ZNF618: variants seen among roughly 807,000 people sequenced by gnomAD.
The protein encoded by ZNF618 is zinc finger protein 618, also known as neural precursor cell expressed, developmentally down-regulated 10.
ZNF618 carries 34 observed loss-of-function variants against 103.0 expected under a neutral mutation model. The ratio of observed to expected loss-of-function variants is 0.33; its 90% CI spans 0.25 to 0.44. ZNF618 has a LOEUF of 0.44. Ranked by LOEUF, ZNF618 falls within the 20% of genes least tolerant of loss-of-function variation. The pLI is 1.00. For synonymous variants in ZNF618, 551 were observed against 542.2 expected (o/e 1.02, Z -0.23); for missense variants, 1,059 against 1,295.4 (o/e 0.82, Z 2.80).
At chr9:113,931,997 G>C (rs763398651) in intron 1 of ZNF618, among the ~76,000 whole-genome samples, 9 of 152,132 alleles carry the variant, frequency 5.9e-5, no homozygotes, top group Non-Finnish European at 8.8e-5. Context: ...TTTATAGATC[G>C]TCTGCTGTGG....
rs146478488 is a variant in ZNF618, at chr9:113,967,176, A to G, written c.34-1941A>G. Among the ~76,000 whole-genome samples the G allele has an allele frequency of 1.1e-4, 17 of 152,340 alleles. No homozygotes were observed. In the East Asian group the frequency reaches 3.3e-3, roughly 29 times the overall value. ...AGGCGAGAGATCCATTTGGGAGTTA[A>G]CCATTTTTTTAAGATCTCTGGGGCA... On this transcript the variant is annotated intron_variant, in intron 1 of 14. Coordinates refer to ENST00000374126, the MANE Select transcript of ZNF618 (RefSeq NM_001318042.2).
At chr9:113,996,327 C>T (rs1466140506) in intron 3 of ZNF618, among the ~76,000 whole-genome samples, 3 of 152,224 alleles carry the variant, frequency 2.0e-5, no homozygotes, top group African/African-American at 7.2e-5. Flanking sequence ...AAGGAACCAG[C>T]CTTCTGTCCC....
intron 1 of ZNF618, among the ~76,000 whole-genome samples, chr9:113,900,055 A>G (rs761173985): frequency 2.0e-5 from 3 of 151,770 alleles, no homozygotes; most frequent in Non-Finnish European, 4.4e-5. Flanking sequence ...TGCCATTTCT[A>G]TTTTTATTTT....
chr9:113,997,690 G>C (rs1840752430), intron 3 of ZNF618, among the ~76,000 whole-genome samples: 1 of 152,250 alleles, frequency 6.6e-6, no homozygotes, highest in Non-Finnish European at 1.5e-5. Context: ...GTGGGGCAGA[G>C]GTCAGTCTGC....
intron 1 of ZNF618, among the ~76,000 whole-genome samples, chr9:113,894,623 G>A (rs1489693980): frequency 6.6e-6 from 1 of 152,012 alleles, no homozygotes; most frequent in East Asian, 1.9e-4. Flanking sequence ...ATTCATTCAC[G>A]CTCCTTTATA....
chr9:113,995,405 G>A (rs966161871), intron 3 of ZNF618, among the ~76,000 whole-genome samples: 1 of 152,140 alleles, frequency 6.6e-6, no homozygotes, highest in African/African-American at 2.4e-5. Context: ...TTAATGAAAT[G>A]GATAGGGCTT....
chr9:114,038,534 C>A (rs80273295), intron 13 of ZNF618, among the ~76,000 whole-genome samples: 1 of 152,188 alleles, frequency 6.6e-6, no homozygotes, highest in Admixed American at 6.5e-5. Context: ...TTCACAGCGC[C>A]GACGATAAGG....
chr9:113,876,315 C>A lies in ZNF618; in HGVS notation c.-66C>A, dbSNP rs1185769920. 7 of 1,080,086 alleles carry A rather than the reference C, an allele frequency of 6.5e-6. No homozygotes were observed. The highest frequency in any genetic ancestry group is 1.0e-4 in the Admixed American group (2 of 19,266). 66.9% of individuals were successfully genotyped at this position (1,080,086 alleles called of 1,614,324 possible). A position where few individuals can be genotyped will look rare whatever the true frequency, so the allele number is the denominator to read the frequency against. On this transcript the variant is annotated 5_prime_UTR_variant, in exon 1 of 15. Coordinates refer to ENST00000374126, the MANE Select transcript of ZNF618 (RefSeq NM_001318042.2). ...CGGCGGCGGCGGCGGCGGCATTGTGCGCGCACCAGCAGCCCGGCCCGGGAG... is the reference window on the plus strand; with the variant it reads ...CGGCGGCGGCGGCGGCGGCATTGTGAGCGCACCAGCAGCCCGGCCCGGGAG...
chr9:113,962,666 C>T (rs928810873), intron 1 of ZNF618, among the ~76,000 whole-genome samples: 2 of 152,132 alleles, frequency 1.3e-5, no homozygotes, highest in African/African-American at 4.8e-5. Flanking sequence ...GCCCCAGACA[C>T]CACATGGCCA....
intron 1 of ZNF618, among the ~76,000 whole-genome samples, chr9:113,935,491 C>A (rs2131936479): frequency 6.6e-6 from 1 of 152,308 alleles, no homozygotes; most frequent in South Asian, 2.1e-4. Flanking sequence ...GCCCTGGAAA[C>A]ACCATGTGCT....
At chr9:114,000,953 C>T (rs1007620705) in intron 4 of ZNF618, among the ~76,000 whole-genome samples, 6 of 152,240 alleles carry the variant, frequency 3.9e-5, no homozygotes, top group Admixed American at 1.3e-4. Flanking sequence ...GTCTCCACCC[C>T]AGCCACTCTA....
chr9:113,948,895 T>C (rs982929100), intron 1 of ZNF618, among the ~76,000 whole-genome samples: 3 of 152,222 alleles, frequency 2.0e-5, no homozygotes, highest in African/African-American at 7.2e-5. Context: ...ACCAGCTTGG[T>C]GGGGAAGGTT....
chr9:114,036,569 G>C (rs1306791277), intron 13 of ZNF618, among the ~76,000 whole-genome samples, 192 bp downstream of exon 13: 2 of 152,226 alleles, frequency 1.3e-5, no homozygotes, highest in Non-Finnish European at 2.9e-5. Flanking sequence ...CTCTGCAGGT[G>C]GGGGCGGTGG....
At chr9:113,932,836 G>A (rs575016215) in intron 1 of ZNF618, among the ~76,000 whole-genome samples, 4 of 152,260 alleles carry the variant, frequency 2.6e-5, no homozygotes, top group African/African-American at 9.6e-5. Context: ...CAGTGCTGAT[G>A]TTATGTAAGC....
chr9:113,968,884 G>A (rs1837678539), intron 1 of ZNF618, among the ~76,000 whole-genome samples: 1 of 152,168 alleles, frequency 6.6e-6, no homozygotes, highest in Non-Finnish European at 1.5e-5. Flanking sequence ...GTTGGCAGTG[G>A]GTGCTCAGTG....
intron 2 of ZNF618, among the ~76,000 whole-genome samples, chr9:113,981,376 A>T (rs1838962031): frequency 6.6e-6 from 1 of 152,072 alleles, no homozygotes; most frequent in South Asian, 2.1e-4. Context: ...TTGCTGGGTA[A>T]AGTTCTGGCC....
Position 113,936,410 on chromosome 9 carries a change from T to C in ZNF618, c.34-32707T>C, listed in dbSNP as rs80226672. Among the ~76,000 whole-genome samples, 176 of 152,370 alleles carry C rather than the reference T, an allele frequency of 1.2e-3. 3 individuals carry two copies. The East Asian group carries it at 0.031, about 27-fold the overall frequency. On this transcript the variant is annotated intron_variant, in intron 1 of 14. Coordinates refer to ENST00000374126, the MANE Select transcript of ZNF618 (RefSeq NM_001318042.2). ...TAATTTATTTAGCGAGTAGTACATATTTGTTGAAAGAATGAATGGGAATCT... is the reference window on the plus strand; with the variant it reads ...TAATTTATTTAGCGAGTAGTACATACTTGTTGAAAGAATGAATGGGAATCT...
intron 1 of ZNF618, among the ~76,000 whole-genome samples, chr9:113,923,950 A>G (rs1832861062): frequency 6.6e-6 from 1 of 152,092 alleles, no homozygotes. Flanking sequence ...CTTGGCAGTC[A>G]ACAAGTTTCA....
chr9:113,934,666 C>T (rs1052493422), intron 1 of ZNF618, among the ~76,000 whole-genome samples: 10 of 152,262 alleles, frequency 6.6e-5, no homozygotes, highest in Middle Eastern at 3.4e-3. Context: ...GAAATGTACC[C>T]GGTTGGTTAT....
Sources: gnomAD v4.1 joint callset for allele counts (sites outside exome capture counted in the v4.1 genomes callset) on GRCh38, gnomAD v4.1.1 for gene constraint, MANE v1.5 for transcripts, NCBI Gene and HGNC (gene_info 2026-07-23, HGNC 2026-07-21) for gene names.